GARIN5B: variants seen among roughly 807,000 people sequenced by gnomAD.
GARIN5B encodes Golgi-associated RAB2 interactor protein 5B.
chr19:55,356,986 G>A, the GARIN5B span, among the ~76,000 whole-genome samples: 10 of 152,272 alleles, frequency 6.6e-5, no homozygotes, highest in Non-Finnish European at 1.3e-4. Context: ...GAACCCAGGA[G>A]GCAGAGGTTG....
chr19:55,359,506 A>G, the GARIN5B span: 3,133 of 1,548,322 alleles, frequency 2.0e-3, 52 homozygotes, highest in African/African-American at 0.038. Flanking sequence ...GAGCAGGTAC[A>G]GCTGGGGCCT....
At chr19:55,358,054 A>AG in the GARIN5B span, 2 of 1,169,166 alleles carry the variant, frequency 1.7e-6, no homozygotes, top group Non-Finnish European at 2.2e-6. Flanking sequence ...ACCCTGTCAA[A>AG]AAAAAAAAAA....
At chr19:55,357,771 G>C in the GARIN5B span, among the ~76,000 whole-genome samples, 1 of 152,168 alleles carries the variant, frequency 6.6e-6, no homozygotes, top group Non-Finnish European at 1.5e-5. Context: ...GAGTGAAAGG[G>C]GGCCAGGCGT....
At chr19:55,362,587 A>G in the GARIN5B span, 1 of 1,542,468 alleles carries the variant, frequency 6.5e-7, no homozygotes, top group Non-Finnish European at 8.8e-7. Flanking sequence ...CCTGGTCAGC[A>G]CGAGGCCGGA....
the GARIN5B span, chr19:55,361,096 T>C: frequency 3.4e-5 from 52 of 1,551,160 alleles, no homozygotes; most frequent in Non-Finnish European, 8.7e-7. Flanking sequence ...GAAACTGCGC[T>C]TGAGCGCCTG....
At chr19:55,361,197 C>G in the GARIN5B span, 1 of 1,551,284 alleles carries the variant, frequency 6.4e-7, no homozygotes, top group South Asian at 1.2e-5. Context: ...TGTCTCTGAG[C>G]AGCCACCGTC....
the GARIN5B span, chr19:55,358,742 T>G: frequency 6.5e-7 from 1 of 1,549,514 alleles, no homozygotes; most frequent in South Asian, 1.2e-5. Context: ...CGAGGGCTGC[T>G]CTTTGGAGTT....
At chr19:55,359,569 T>C in the GARIN5B span, 1 of 1,551,000 alleles carries the variant, frequency 6.4e-7, no homozygotes, top group Non-Finnish European at 8.7e-7. Flanking sequence ...CCAATCCAGG[T>C]GGGGGTTTCC....
At chr19:55,362,618 G>A in the GARIN5B span, 11 of 1,547,144 alleles carry the variant, frequency 7.1e-6, no homozygotes, top group Non-Finnish European at 9.6e-6. Context: ...TCCTCGGCGG[G>A]CTGGCCGATC....
the GARIN5B span, chr19:55,362,587 A>C: frequency 6.5e-7 from 1 of 1,542,468 alleles, no homozygotes; most frequent in Non-Finnish European, 8.8e-7. Flanking sequence ...CCTGGTCAGC[A>C]CGAGGCCGGA....
chr19:55,355,333 G>A, the GARIN5B span: 1 of 1,550,630 alleles, frequency 6.4e-7, no homozygotes. Context: ...CGGAGTGCTG[G>A]GAGTGCTGCA....
chr19:55,362,378 A>G, the GARIN5B span: 1 of 1,550,454 alleles, frequency 6.4e-7, no homozygotes, highest in Non-Finnish European at 8.7e-7. Flanking sequence ...GTGGAACAGG[A>G]AGCCCACCTC....
At chr19:55,358,217 T>C in the GARIN5B span, 1 of 1,548,316 alleles carries the variant, frequency 6.5e-7, no homozygotes. Flanking sequence ...CCTCACAGTT[T>C]CAAGTTCTAA....
chr19:55,358,079 G>C, the GARIN5B span: 3 of 1,266,668 alleles, frequency 2.4e-6, no homozygotes, highest in Admixed American at 3.7e-5. Context: ...TGAAAGGAAA[G>C]AGTGATCATC....
At chr19:55,360,413 G>GC in the GARIN5B span, among the ~76,000 whole-genome samples, 1 of 141,158 alleles carries the variant, frequency 7.1e-6, no homozygotes, top group African/African-American at 2.7e-5. Flanking sequence ...AGGAGTCCAG[G>GC]CCCCAGCTCC....
the GARIN5B span, chr19:55,358,081 G>A: frequency 7.7e-7 from 1 of 1,297,604 alleles, no homozygotes. Context: ...AAAGGAAAGA[G>A]TGATCATCTC....
the GARIN5B span, chr19:55,355,460 G>A: frequency 9.7e-7 from 1 of 1,035,056 alleles, no homozygotes; most frequent in Non-Finnish European, 1.4e-6. Context: ...CCCAGGGCGG[G>A]TCTTGCTGTG....
At chr19:55,359,653 G>A in the GARIN5B span, 1 of 1,550,636 alleles carries the variant, frequency 6.4e-7, no homozygotes, top group East Asian at 2.4e-5. Context: ...ATGTGACAAG[G>A]CCAGATGGGG....
the GARIN5B span, chr19:55,358,116 A>G: frequency 2.8e-6 from 4 of 1,433,378 alleles, no homozygotes; most frequent in Non-Finnish European, 2.8e-6. Flanking sequence ...CAGAGCTCAC[A>G]GTAAATAATA....
Sources: allele counts gnomAD v4.1 joint callset (sites outside exome capture counted in the v4.1 genomes callset), GRCh38; gene constraint gnomAD v4.1.1; transcripts MANE v1.5; gene names NCBI Gene and HGNC (gene_info 2026-07-23, HGNC 2026-07-21).